Variants in AUTS2 observed in about 807,000 individuals in gnomAD.
AUTS2 encodes activator of transcription and developmental regulator AUTS2, also known as autism susceptibility gene 2 protein.
Under a neutral mutation model 112.4 loss-of-function variants are expected in AUTS2, and 17 were observed. The observed-to-expected ratio is 0.15, with a 90% CI of 0.10 to 0.23. AUTS2 has a LOEUF of 0.23. AUTS2 is among the 10% of genes least tolerant of loss of function. The pLI, the probability that AUTS2 is intolerant of heterozygous loss-of-function variation, is 1.00. For synonymous variants in AUTS2, 751 were observed against 702.7 expected (o/e 1.07, Z -1.09); for missense variants, 1,510 against 1,701.6 (o/e 0.89, Z 1.98).
intron 1 of AUTS2, among the ~76,000 whole-genome samples, chr7:69,795,840 C>CA (rs1195516530): frequency 6.6e-6 from 1 of 152,212 alleles, no homozygotes; most frequent in Non-Finnish European, 1.5e-5. Context: ...AGCGCCAGAA[C>CA]AAGGAGCTCA....
chr7:69,936,409 G>A (rs12698818), intron 2 of AUTS2, among the ~76,000 whole-genome samples: 24,413 of 151,998 alleles, frequency 0.16, 2,004 homozygotes, highest in Middle Eastern at 0.21. Flanking sequence ...GAGTGCAGTG[G>A]CGTGATCTCG....
chr7:70,154,179 C>T (rs1807611732), intron 4 of AUTS2, among the ~76,000 whole-genome samples: 1 of 152,176 alleles, frequency 6.6e-6, no homozygotes, highest in Non-Finnish European at 1.5e-5. Context: ...ATTTGTGACA[C>T]AGCAGTCTAT....
chr7:69,912,460 T>A (rs1198395301), intron 2 of AUTS2, among the ~76,000 whole-genome samples: 1 of 152,200 alleles, frequency 6.6e-6, no homozygotes, highest in Non-Finnish European at 1.5e-5. Flanking sequence ...GCAGCCAGCA[T>A]CTTGGCAGCG....
At chr7:69,763,364 G>T (rs950324958) in intron 1 of AUTS2, among the ~76,000 whole-genome samples, 1 of 152,202 alleles carries the variant, frequency 6.6e-6, no homozygotes, top group African/African-American at 2.4e-5. Flanking sequence ...CTGGGCTGGT[G>T]TGTGTATAAT....
chr7:69,757,591 A>C (rs1005928428), intron 1 of AUTS2, among the ~76,000 whole-genome samples: 38 of 152,216 alleles, frequency 2.5e-4, no homozygotes, highest in Non-Finnish European at 4.8e-4. Flanking sequence ...TGATGTTGAC[A>C]CAGTAATGTA....
chr7:70,081,965 T>TGTGTGTGCGC (rs1018968486), intron 2 of AUTS2, among the ~76,000 whole-genome samples: 323 of 128,100 alleles, frequency 2.5e-3, no homozygotes, highest in Non-Finnish European at 3.6e-3. Context: ...TGTGTGTGTG[T>TGTGTGTGCGC]GCGCGCGCCT....
At chr7:70,513,667 T>C (rs953309445) in intron 5 of AUTS2, among the ~76,000 whole-genome samples, 26 of 116,726 alleles carry the variant, frequency 2.2e-4, no homozygotes, top group Non-Finnish European at 3.0e-4. Context: ...TTCTGTTTCC[T>C]TTTTTTTTTT....
At chr7:69,647,890 T>A (rs1167641550) in intron 1 of AUTS2, among the ~76,000 whole-genome samples, 1 of 152,236 alleles carries the variant, frequency 6.6e-6, no homozygotes, top group East Asian at 1.9e-4. Context: ...TTCTTTGGCT[T>A]GCAGCTGCAT....
At chr7:70,370,941 T>C (rs1361972868) in intron 4 of AUTS2, among the ~76,000 whole-genome samples, 2 of 152,130 alleles carry the variant, frequency 1.3e-5, no homozygotes, top group South Asian at 2.1e-4. Flanking sequence ...TTTTCAAAAC[T>C]AAGGCATAAG....
intron 1 of AUTS2, among the ~76,000 whole-genome samples, chr7:69,830,941 A>G (rs1401566141): frequency 2.0e-5 from 3 of 152,308 alleles, no homozygotes; most frequent in South Asian, 4.1e-4. Flanking sequence ...TTCTTTTCCC[A>G]TCACTAAACT....
At chr7:69,800,859 T>C (rs1790051741) in intron 1 of AUTS2, among the ~76,000 whole-genome samples, 1 of 152,170 alleles carries the variant, frequency 6.6e-6, no homozygotes, top group African/African-American at 2.4e-5. Flanking sequence ...CTCCCATTTA[T>C]TTACATTCCT....
intron 4 of AUTS2, among the ~76,000 whole-genome samples, chr7:70,203,360 AAAG>A (rs1199877718): frequency 5.4e-5 from 8 of 148,564 alleles, no homozygotes; most frequent in African/African-American, 1.7e-4. Flanking sequence ...AAAAAAAAAA[AAAG>A]AAGTTTACGG....
chr7:69,830,185 G>A (rs1562912899), intron 1 of AUTS2, among the ~76,000 whole-genome samples: 1 of 152,100 alleles, frequency 6.6e-6, no homozygotes. Context: ...AGCTGGATAA[G>A]GAGAAAGCAC....
At chr7:70,017,772 T>C (rs1222408668) in intron 2 of AUTS2, among the ~76,000 whole-genome samples, 1 of 151,564 alleles carries the variant, frequency 6.6e-6, no homozygotes, top group East Asian at 1.9e-4. Flanking sequence ...CAACCAGTTA[T>C]ATTGTGATAG....
rs145517844 is a variant in AUTS2, at chr7:70,588,211, C to T, written c.691-110358C>T. 5.4e-3 allele frequency among the ~76,000 whole-genome samples: 827 copies of T among 152,252 alleles called. 9 individuals are homozygous for T. Among genetic ancestry groups the T allele is most frequent in the Middle Eastern group, 6.8e-3 (2 of 294 alleles). Reference sequence around the variant, plus strand: ...CTCTTTAGGATCTCTGCTCCTCTCTCGAGCAAAGAAAGAAATCGGTGTGGT... The same window carrying T: ...CTCTTTAGGATCTCTGCTCCTCTCTTGAGCAAAGAAAGAAATCGGTGTGGT... On this transcript the variant is annotated intron_variant, in intron 5 of 18. Coordinates refer to ENST00000342771, the MANE Select transcript of AUTS2 (RefSeq NM_015570.4).
At chr7:70,421,837 A>T (rs1795236067) in intron 4 of AUTS2, among the ~76,000 whole-genome samples, 1 of 152,230 alleles carries the variant, frequency 6.6e-6, no homozygotes, top group South Asian at 2.1e-4. Flanking sequence ...GTGGATACCA[A>T]ATTACTGCAT....
intron 6 of AUTS2, among the ~76,000 whole-genome samples, chr7:70,703,175 C>T (rs188262005): frequency 6.6e-6 from 1 of 152,212 alleles, no homozygotes; most frequent in Admixed American, 6.5e-5. Context: ...ATATTACCAT[C>T]AAGGTCACCA....
intron 4 of AUTS2, among the ~76,000 whole-genome samples, chr7:70,269,756 T>A (rs574840490): frequency 1.3e-5 from 2 of 152,322 alleles, no homozygotes; most frequent in South Asian, 4.1e-4. Flanking sequence ...CTCACCTCTC[T>A]CATAGCCCAT....
intron 1 of AUTS2, among the ~76,000 whole-genome samples, chr7:69,851,565 C>T (rs1792485939): frequency 6.6e-6 from 1 of 152,172 alleles, no homozygotes; most frequent in South Asian, 2.1e-4. Flanking sequence ...GTGAAATCTG[C>T]ATATCAATTT....
Sources: allele counts gnomAD v4.1 joint callset (sites outside exome capture counted in the v4.1 genomes callset), GRCh38; gene constraint gnomAD v4.1.1; transcripts MANE v1.5; gene names NCBI Gene and HGNC (gene_info 2026-07-23, HGNC 2026-07-21).